PRDM5: variants seen among roughly 807,000 people sequenced by gnomAD.
The protein encoded by PRDM5 is PR/SET domain 5, also known as PR domain zinc finger protein 5.
In PRDM5, 56 loss-of-function variants were observed where a neutral mutation model predicts 81.2. The observed-to-expected ratio is 0.69, with a 90% CI of 0.56 to 0.86. The LOEUF (loss-of-function observed/expected upper bound fraction) is 0.86, where lower values mean the gene tolerates loss of function less well. Among genes scored for constraint, PRDM5 ranks in the 40% least tolerant of loss-of-function variants. The probability of loss-of-function intolerance (pLI) is 0.00; values close to 1 mark genes in which losing one functional copy is unlikely to be tolerated. For missense variants in PRDM5, 697 were observed against 770.1 expected (o/e 0.91, Z 1.12); for synonymous variants, 267 against 256.4 (o/e 1.04, Z -0.39).
chr4:120,740,403 C>T (rs1274548208), intron 14 of PRDM5, among the ~76,000 whole-genome samples: 1 of 152,164 alleles, frequency 6.6e-6, no homozygotes, highest in Non-Finnish European at 1.5e-5. Context: ...ATTAGCACTC[C>T]TCAGGCACTT....
chr4:120,773,139 G>A (rs1201635028), intron 13 of PRDM5, among the ~76,000 whole-genome samples: 1 of 152,206 alleles, frequency 6.6e-6, no homozygotes, highest in East Asian at 1.9e-4. Context: ...TTGTGTGATT[G>A]AGTTGCAAGC....
At chr4:120,691,744 T>C (rs1316234760), downstream of PRDM5, among the ~76,000 whole-genome samples, 1 of 152,010 alleles carries the variant, frequency 6.6e-6, no homozygotes, top group Non-Finnish European at 1.5e-5. Context: ...TCAGAGGTAC[T>C]TTGCAGATTG....
intron 14 of PRDM5, among the ~76,000 whole-genome samples, chr4:120,723,613 A>T (rs1738946764): frequency 6.6e-6 from 1 of 152,184 alleles, no homozygotes; most frequent in South Asian, 2.1e-4. Context: ...AAGGAAGTAC[A>T]AATGAAAGAG....
At chr4:120,697,234 A>C (rs1170960717) in intron 15 of PRDM5, among the ~76,000 whole-genome samples, 1 of 152,156 alleles carries the variant, frequency 6.6e-6, no homozygotes. Context: ...TAGAATGTGC[A>C]TGAAAGTGTA....
At chr4:120,791,102 A>C (rs1013390668) in intron 10 of PRDM5, among the ~76,000 whole-genome samples, 2 of 152,220 alleles carry the variant, frequency 1.3e-5, no homozygotes, top group African/African-American at 2.4e-5. Context: ...CTGTTAAGAG[A>C]AAGTAGAGCT....
Position 120,785,022 on chromosome 4 carries a change from G to A in PRDM5, c.1258C>T (p.Gln420Ter), listed in dbSNP as rs753303327. ...CTGTTATGTATTAGCAGGTGTCTCT[G>A]TAAAGAAAATGGGGTCCGGAACAAA... is the stretch of plus-strand genomic sequence containing the variant. ...KALFRTPFSL[Q>*]RHLLIHNSER... The change falls in exon 11 of 16, where the codon CAG (glutamine) becomes TAG (stop). Residue 420 changes from glutamine (Q) to a stop codon, truncating the protein, a stop_gained. Coordinates refer to ENST00000264808, the MANE Select transcript of PRDM5 (RefSeq NM_018699.4). LOFTEE classifies it high-confidence loss of function. 24 of 1,607,906 alleles carry A rather than the reference G, an allele frequency of 1.5e-5. No homozygotes were observed. Among genetic ancestry groups the A allele is most frequent in the Non-Finnish European group, 2.0e-5 (23 of 1,174,734 alleles).
intron 1 of PRDM5, among the ~76,000 whole-genome samples, chr4:120,911,657 A>C (rs1171971797): frequency 6.6e-6 from 1 of 152,208 alleles, no homozygotes; most frequent in African/African-American, 2.4e-5. Context: ...GAAAAGCACT[A>C]TCTTCTAAGC....
At chr4:120,878,444 T>G (rs1187506040) in intron 2 of PRDM5, among the ~76,000 whole-genome samples, 1 of 152,118 alleles carries the variant, frequency 6.6e-6, no homozygotes, top group Non-Finnish European at 1.5e-5. Flanking sequence ...AATGTAAAAT[T>G]TTCTAAAACT....
At chr4:120,770,611 T>C (rs1240143308) in intron 13 of PRDM5, among the ~76,000 whole-genome samples, 2 of 152,072 alleles carry the variant, frequency 1.3e-5, no homozygotes, top group African/African-American at 2.4e-5. Context: ...TGGACAGCTG[T>C]TTTAAAATAT....
At chr4:120,864,151 T>C (rs189900738) in intron 2 of PRDM5, among the ~76,000 whole-genome samples, 1 of 152,202 alleles carries the variant, frequency 6.6e-6, no homozygotes, top group Non-Finnish European at 1.5e-5. Context: ...GAATAGATGA[T>C]GGGTGACCAA....
intron 13 of PRDM5, among the ~76,000 whole-genome samples, chr4:120,757,307 C>T (rs1744892708): frequency 6.6e-6 from 1 of 152,142 alleles, no homozygotes; most frequent in Non-Finnish European, 1.5e-5. Context: ...TACTGTTCAT[C>T]CTCCATCCAG....
At chr4:120,912,646 C>T (rs1766649560) in intron 1 of PRDM5, among the ~76,000 whole-genome samples, 1 of 152,130 alleles carries the variant, frequency 6.6e-6, no homozygotes, top group Admixed American at 6.5e-5. Flanking sequence ...CATTAGAAGA[C>T]ATTAGGAAAT....
Position 120,765,570 on chromosome 4 carries a change from C to T in PRDM5, c.1538-10932G>A, listed in dbSNP as rs151278025. Among the ~76,000 whole-genome samples the T allele has an allele frequency of 3.4e-4, 52 of 152,194 alleles. 1 individual carries two copies. In the East Asian group the frequency reaches 9.3e-3, roughly 27 times the overall value. On this transcript the variant is annotated intron_variant, in intron 13 of 15. Transcript: ENST00000264808. ...TCTCTGTTGTTTCAGCATAGGAAGC[C>T]GGATGATAAATTACAGAGCTGCCCG...
At chr4:120,817,762 AT>A (rs1289710323) in intron 5 of PRDM5, among the ~76,000 whole-genome samples, 1 of 152,192 alleles carries the variant, frequency 6.6e-6, no homozygotes, top group African/African-American at 2.4e-5. Context: ...AATAAAGATA[AT>A]TTTATGTTGT....
chr4:120,852,390 T>C (rs964895142), intron 3 of PRDM5, among the ~76,000 whole-genome samples: 4 of 152,132 alleles, frequency 2.6e-5, no homozygotes, highest in African/African-American at 9.7e-5. Flanking sequence ...TATATTGCCC[T>C]CCATAATGTG....
At chr4:120,899,893 G>A (rs143834310) in intron 2 of PRDM5, among the ~76,000 whole-genome samples, 1 of 152,276 alleles carries the variant, frequency 6.6e-6, no homozygotes, top group African/African-American at 2.4e-5. Flanking sequence ...ATTTGCTAGA[G>A]AGGCTAAAAG....
At chr4:120,722,611 C>G (rs186398670) in intron 14 of PRDM5, among the ~76,000 whole-genome samples, 1 of 152,082 alleles carries the variant, frequency 6.6e-6, no homozygotes, top group Non-Finnish European at 1.5e-5. Flanking sequence ...TGAGGTATGG[C>G]CTGGGCTTTG....
chr4:120,790,857 T>C (rs1750462874), intron 10 of PRDM5, among the ~76,000 whole-genome samples: 1 of 152,120 alleles, frequency 6.6e-6, no homozygotes, highest in Non-Finnish European at 1.5e-5. Context: ...GGTGGAAGAC[T>C]GCTTGAGCCT....
intron 13 of PRDM5, among the ~76,000 whole-genome samples, chr4:120,765,705 A>G (rs60012498): frequency 0.036 from 5,453 of 152,244 alleles, 324 homozygotes; most frequent in African/African-American, 0.12. Context: ...CCTCATCTAC[A>G]TTCTATAGAT....
Sources: allele counts gnomAD v4.1 joint callset (sites outside exome capture counted in the v4.1 genomes callset), GRCh38; gene constraint gnomAD v4.1.1; transcripts MANE v1.5; gene names NCBI Gene and HGNC (gene_info 2026-07-23, HGNC 2026-07-21).